Variants in PPFIA2 observed in about 807,000 individuals in gnomAD.
PPFIA2 encodes PPFI scaffold protein A2.
In PPFIA2, 46 loss-of-function variants were observed where a neutral mutation model predicts 175.5. That is an observed-to-expected ratio of 0.26 (90% CI 0.21 to 0.34). The LOEUF is 0.34. Among genes scored for constraint, PPFIA2 ranks in the 10% least tolerant of loss-of-function variants. The pLI is 1.00. For missense variants in PPFIA2, 1,179 were observed against 1,506.1 expected (o/e 0.78, Z 3.60); for synonymous variants, 568 against 511.4 (o/e 1.11, Z -1.49).
chr12:81,676,746 A>G, intron 4 of PPFIA2, 45 bp downstream of exon 4: 1 of 1,414,838 alleles, frequency 7.1e-7, no homozygotes. Flanking sequence ...GTGTGTACAC[A>G]ATTCAATTCA....
At chr12:81,383,395 A>G (rs2038195885) in intron 9 of PPFIA2, among the ~76,000 whole-genome samples, 1 of 152,146 alleles carries the variant, frequency 6.6e-6, no homozygotes, top group South Asian at 2.1e-4. Context: ...CTTAGCAGGT[A>G]AAATGATTTG....
chr12:81,343,100 A>C (rs572033970), intron 19 of PPFIA2, among the ~76,000 whole-genome samples: 2 of 152,080 alleles, frequency 1.3e-5, no homozygotes, highest in Non-Finnish European at 2.9e-5. Flanking sequence ...CTCTAATATT[A>C]CATTTCCTCA....
chr12:81,323,561 G>A (rs1449096038), intron 22 of PPFIA2, among the ~76,000 whole-genome samples: 1 of 151,614 alleles, frequency 6.6e-6, no homozygotes, highest in East Asian at 1.9e-4. Flanking sequence ...AAGAGGATAC[G>A]GTTTCTTTAA....
chr12:81,606,035 T>G (rs190807049), intron 4 of PPFIA2, among the ~76,000 whole-genome samples: 3 of 152,104 alleles, frequency 2.0e-5, no homozygotes, highest in Non-Finnish European at 4.4e-5. Context: ...CTGTACTCAA[T>G]GCTTAGCTTC....
intron 4 of PPFIA2, among the ~76,000 whole-genome samples, chr12:81,666,973 A>G: frequency 6.6e-6 from 1 of 152,090 alleles, no homozygotes; most frequent in East Asian, 1.9e-4. Context: ...TGCACACAAT[A>G]TTGTATACTT....
chr12:81,650,209 C>T (rs1238640321), intron 4 of PPFIA2, among the ~76,000 whole-genome samples: 1 of 151,942 alleles, frequency 6.6e-6, no homozygotes, highest in African/African-American at 2.4e-5. Flanking sequence ...CGGGGCTTCA[C>T]CGGGTTAGCC....
chr12:81,642,035 T>C (rs2153516228), intron 4 of PPFIA2, among the ~76,000 whole-genome samples: 1 of 152,290 alleles, frequency 6.6e-6, no homozygotes, highest in Middle Eastern at 3.4e-3. Flanking sequence ...ATTCTAGTTA[T>C]CCAAGGCTTG....
intron 12 of PPFIA2, 33 bp downstream of exon 12, chr12:81,369,078 T>C (rs774878275): frequency 4.1e-5 from 62 of 1,506,848 alleles, no homozygotes; most frequent in Non-Finnish European, 5.3e-5. Context: ...CATAAACCAA[T>C]GATTGGGGGG....
intron 4 of PPFIA2, among the ~76,000 whole-genome samples, chr12:81,605,891 G>C (rs1188499586): frequency 6.6e-6 from 1 of 151,844 alleles, no homozygotes; most frequent in African/African-American, 2.4e-5. Flanking sequence ...TACATGTGCA[G>C]ATTTGTTACA....
At position 81,451,916 on chromosome 12, in the gene PPFIA2, T is replaced by C. The variant is rs79700109; in HGVS notation, c.405+5849A>G. Among the ~76,000 whole-genome samples the C allele has an allele frequency of 3.9e-4, 60 of 152,318 alleles. No homozygotes were observed. The East Asian group carries it at 0.011, about 29-fold the overall frequency. On this transcript the variant is annotated intron_variant, in intron 5 of 32. Transcript: ENST00000549396. ...ATTAACAATCTACTAATTACACACC[T>C]TCACTGGGAGCTACAACTTTAGCCT...
At chr12:81,438,467 G>A (rs569849055) in intron 7 of PPFIA2, among the ~76,000 whole-genome samples, 22 of 152,134 alleles carry the variant, frequency 1.4e-4, no homozygotes, top group South Asian at 1.0e-3. Context: ...GCAAGACTCC[G>A]TCTCAAAACA....
intron 5 of PPFIA2, among the ~76,000 whole-genome samples, chr12:81,448,319 C>T (rs1248287855): frequency 1.3e-5 from 2 of 152,172 alleles, no homozygotes; most frequent in Non-Finnish European, 2.9e-5. Flanking sequence ...CATGCTCCCT[C>T]AGTTTCTAGA....
intron 3 of PPFIA2, among the ~76,000 whole-genome samples, chr12:81,686,784 C>T (rs769879057): frequency 2.0e-5 from 3 of 152,050 alleles, no homozygotes; most frequent in South Asian, 2.1e-4. Flanking sequence ...GTCTAGTTTT[C>T]CTTGTAAATA....
At chr12:81,315,718 A>G (rs1239479672) in intron 22 of PPFIA2, among the ~76,000 whole-genome samples, 1 of 151,618 alleles carries the variant, frequency 6.6e-6, no homozygotes, top group Admixed American at 6.6e-5. Flanking sequence ...TGAATGGGTG[A>G]TCTATGTGGA....
chr12:81,602,760 A>G (rs895802326), intron 4 of PPFIA2, among the ~76,000 whole-genome samples: 3 of 151,808 alleles, frequency 2.0e-5, no homozygotes, highest in Admixed American at 6.6e-5. Flanking sequence ...ACACTCTGAA[A>G]GAGAAGATTG....
At chr12:81,348,970 T>C (rs1403140528) in intron 17 of PPFIA2, among the ~76,000 whole-genome samples, 1 of 152,196 alleles carries the variant, frequency 6.6e-6, no homozygotes, top group Non-Finnish European at 1.5e-5. Context: ...TTCAAGTTTA[T>C]GATCACTTCA....
intron 4 of PPFIA2, among the ~76,000 whole-genome samples, chr12:81,593,682 C>A (rs1170508352): frequency 6.6e-6 from 1 of 152,096 alleles, no homozygotes; most frequent in East Asian, 1.9e-4. Context: ...GAAGGCTTCA[C>A]AGAGGAGGTA....
chr12:81,660,451 T>C (rs969738167), intron 4 of PPFIA2, among the ~76,000 whole-genome samples: 1 of 152,020 alleles, frequency 6.6e-6, no homozygotes, highest in South Asian at 2.1e-4. Flanking sequence ...GTATCAGCGA[T>C]GGAAGATGAA....
chr12:81,728,394 A>G (rs1177023514), intron 3 of PPFIA2, among the ~76,000 whole-genome samples: 1 of 151,454 alleles, frequency 6.6e-6, no homozygotes, highest in Non-Finnish European at 1.5e-5. Context: ...TTCCCCAAAC[A>G]TCTTTATGCT....
Sources: allele counts gnomAD v4.1 joint callset (sites outside exome capture counted in the v4.1 genomes callset), GRCh38; gene constraint gnomAD v4.1.1; transcripts MANE v1.5; gene names NCBI Gene and HGNC (gene_info 2026-07-23, HGNC 2026-07-21).